Variants in AUTS2 observed in about 807,000 individuals in gnomAD.
AUTS2 encodes autism susceptibility gene 2 protein.
A neutral mutation model predicts 112.4 loss-of-function variants in AUTS2; 17 were observed. That is an observed-to-expected ratio of 0.15 (90% confidence interval 0.10 to 0.23). The LOEUF is 0.23. Ranked by LOEUF, AUTS2 falls within the 10% of genes least tolerant of loss-of-function variation. The pLI is 1.00. For synonymous variants in AUTS2, 751 were observed against 702.7 expected (o/e 1.07, Z -1.09); for missense variants, 1,510 against 1,701.6 (o/e 0.89, Z 1.98).
chr7:69,958,833 T>C (rs910377667), intron 2 of AUTS2, among the ~76,000 whole-genome samples: 1 of 152,154 alleles, frequency 6.6e-6, no homozygotes, highest in Non-Finnish European at 1.5e-5. Context: ...GTAGGCAGTA[T>C]GACTGGATTG....
At chr7:69,751,433 G>C (rs1365046527) in intron 1 of AUTS2, among the ~76,000 whole-genome samples, 2 of 152,160 alleles carry the variant, frequency 1.3e-5, no homozygotes, top group Non-Finnish European at 2.9e-5. Flanking sequence ...AGAGAAGCAA[G>C]AGTGAGGTGA....
At chr7:70,521,408 T>C (rs1014917395) in intron 5 of AUTS2, among the ~76,000 whole-genome samples, 3 of 152,204 alleles carry the variant, frequency 2.0e-5, no homozygotes, top group African/African-American at 7.2e-5. Context: ...TGGGATACCA[T>C]GTGAGACCAA....
At chr7:69,855,585 G>A (rs991027965) in intron 1 of AUTS2, among the ~76,000 whole-genome samples, 1 of 152,152 alleles carries the variant, frequency 6.6e-6, no homozygotes, top group African/African-American at 2.4e-5. Flanking sequence ...CAAGAGAGTA[G>A]ATAAGGCACT....
chr7:70,398,495 G>C (rs1475196352), intron 4 of AUTS2, among the ~76,000 whole-genome samples: 2 of 151,742 alleles, frequency 1.3e-5, no homozygotes, highest in South Asian at 2.1e-4. Flanking sequence ...ATTTTTTGAT[G>C]TTATTGTAAA....
intron 1 of AUTS2, among the ~76,000 whole-genome samples, chr7:69,816,738 C>A (rs1401015541): frequency 6.6e-6 from 1 of 152,138 alleles, no homozygotes; most frequent in Non-Finnish European, 1.5e-5. Flanking sequence ...GATATGAGGG[C>A]CAGAGAGGTT....
chr7:70,481,355 A>T (rs1166956248), intron 5 of AUTS2, among the ~76,000 whole-genome samples: 1 of 152,226 alleles, frequency 6.6e-6, no homozygotes, highest in Non-Finnish European at 1.5e-5. Context: ...ATGCCACGTC[A>T]TGAGTTTGTG....
chr7:69,838,867 C>T (rs1402479589), intron 1 of AUTS2, among the ~76,000 whole-genome samples: 2 of 152,128 alleles, frequency 1.3e-5, no homozygotes, highest in Non-Finnish European at 2.9e-5. Context: ...TTTTTAGTCC[C>T]TACAACAAGA....
At chr7:70,260,119 A>G in intron 4 of AUTS2, among the ~76,000 whole-genome samples, 1 of 152,038 alleles carries the variant, frequency 6.6e-6, no homozygotes, top group East Asian at 1.9e-4. Flanking sequence ...TAATCCCAGC[A>G]CTTTGGGAGG....
intron 1 of AUTS2, among the ~76,000 whole-genome samples, chr7:69,657,580 A>T (rs1334338185): frequency 6.6e-6 from 1 of 152,192 alleles, no homozygotes; most frequent in East Asian, 1.9e-4. Context: ...ATTAAAAAGG[A>T]TGTTTCAGAA....
chr7:69,961,547 C>G (rs969382459), intron 2 of AUTS2, among the ~76,000 whole-genome samples: 1 of 151,996 alleles, frequency 6.6e-6, no homozygotes. Context: ...GTAACTGTTC[C>G]TTTCATACTG....
In AUTS2 at chr7:69,851,912, G is replaced by A. The variant is rs529769448; in HGVS notation, c.310-47374G>A. ...ATTTTTGTAAGCATATCATCTATACGAGCATGTCATCTATAAACAGGGACA... is the reference window on the plus strand; with the variant it reads ...ATTTTTGTAAGCATATCATCTATACAAGCATGTCATCTATAAACAGGGACA... On this transcript the variant is annotated intron_variant, in intron 1 of 18. Coordinates refer to ENST00000342771, the MANE Select transcript of AUTS2 (RefSeq NM_015570.4). 1.6e-4 allele frequency among the ~76,000 whole-genome samples: 24 copies of A among 152,168 alleles called. No homozygotes were observed. The South Asian group carries it at 3.9e-3, about 25-fold the overall frequency.
chr7:69,742,422 C>T (rs1200304857), intron 1 of AUTS2, among the ~76,000 whole-genome samples: 1 of 152,076 alleles, frequency 6.6e-6, no homozygotes, highest in Non-Finnish European at 1.5e-5. Context: ...TATCTAAAGC[C>T]CTTAGCACTA....
intron 4 of AUTS2, among the ~76,000 whole-genome samples, chr7:70,392,455 C>T (rs1470882427): frequency 6.6e-6 from 1 of 152,152 alleles, no homozygotes; most frequent in East Asian, 1.9e-4. Flanking sequence ...CAGGAAGTCT[C>T]AGTGTACCAT....
chr7:69,728,253 C>T (rs1372058408), intron 1 of AUTS2, among the ~76,000 whole-genome samples: 1 of 152,236 alleles, frequency 6.6e-6, no homozygotes, highest in East Asian at 1.9e-4. Context: ...GAGGCGCTGC[C>T]TTGTGTGGCT....
intron 5 of AUTS2, among the ~76,000 whole-genome samples, chr7:70,639,054 T>C (rs1023761251): frequency 6.6e-6 from 1 of 152,148 alleles, no homozygotes; most frequent in Non-Finnish European, 1.5e-5. Context: ...CCCTGACTTT[T>C]AAAATCCATA....
intron 1 of AUTS2, among the ~76,000 whole-genome samples, chr7:69,863,592 A>G (rs1199002221): frequency 6.6e-6 from 1 of 152,206 alleles, no homozygotes; most frequent in Non-Finnish European, 1.5e-5. Flanking sequence ...TGATTCTTCA[A>G]AAGTTTAAGA....
rs1191538559 is a variant in AUTS2 at position 70,117,216 on chromosome 7, A to G, written c.523-916A>G. 5.4e-5 allele frequency among the ~76,000 whole-genome samples: 8 copies of G among 148,512 alleles called. No homozygotes were observed. The East Asian group carries it at 1.6e-3, about 30-fold the overall frequency. ...TGGCACTTAATACATTATTTGTTGA[A>G]TAAGTGCTGATTTAATTTACTTAAT... On this transcript the variant is annotated intron_variant, in intron 2 of 18. Transcript: ENST00000342771.
At chr7:69,932,679 C>G (rs1021145302) in intron 2 of AUTS2, among the ~76,000 whole-genome samples, 3 of 152,198 alleles carry the variant, frequency 2.0e-5, no homozygotes, top group East Asian at 1.9e-4. Flanking sequence ...GCTTTGAACA[C>G]TCAGTGTGAC....
intron 6 of AUTS2, among the ~76,000 whole-genome samples, chr7:70,715,747 G>A (rs1225518164): frequency 6.6e-6 from 1 of 151,932 alleles, no homozygotes; most frequent in Non-Finnish European, 1.5e-5. Flanking sequence ...AGCCAGGCTG[G>A]TCTCCAACCC....
Sources: allele counts gnomAD v4.1 joint callset (sites outside exome capture counted in the v4.1 genomes callset), GRCh38; gene constraint gnomAD v4.1.1; transcripts MANE v1.5; gene names NCBI Gene and HGNC (gene_info 2026-07-23, HGNC 2026-07-21).